ACSBG2: variants seen among roughly 807,000 people sequenced by gnomAD.
ACSBG2 encodes the protein long-chain-fatty-acid--CoA ligase ACSBG2.
In ACSBG2, 62 loss-of-function variants were observed where a neutral mutation model predicts 74.7. The ratio of observed to expected loss-of-function variants is 0.83; its 90% CI spans 0.68 to 1.03. ACSBG2 has a LOEUF of 1.03. ACSBG2 is among the 50% of genes least tolerant of loss of function. ACSBG2 has a pLI of 0.00. For missense variants in ACSBG2, 730 were observed against 817.6 expected (o/e 0.89, Z 1.31); for synonymous variants, 309 against 294.1 (o/e 1.05, Z -0.52).
chr19:6,139,996 G>T (rs2088757985), intron 1 of ACSBG2, among the ~76,000 whole-genome samples: 1 of 152,104 alleles, frequency 6.6e-6, no homozygotes, highest in South Asian at 2.1e-4. Context: ...GGCCGAGGCG[G>T]GCAGATCACG....
intron 7 of ACSBG2, among the ~76,000 whole-genome samples, chr19:6,166,280 T>TTTTGTGTGTGTGTGTG: frequency 8.4e-6 from 1 of 119,146 alleles, no homozygotes; most frequent in East Asian, 2.5e-4. Context: ...GTCAGGAAGG[T>TTTTGTGTGTGTGTGTG]TGTGTGTGTG....
intron 7 of ACSBG2, among the ~76,000 whole-genome samples, chr19:6,170,286 A>T (rs1348608400): frequency 6.6e-6 from 1 of 152,150 alleles, no homozygotes. Flanking sequence ...GGTTCTTATC[A>T]TAAAGAATGT....
rs2090389173 is a variant in ACSBG2, at chr19:6,185,773, C to T, written c.1540+120C>T. The T allele has an allele frequency of 1.1e-5, 11 of 995,926 alleles. No homozygotes were observed. The South Asian group carries it at 1.7e-4, about 15-fold the overall frequency. The allele number at this position is 995,926 out of a possible 1,614,324, so 61.7% of individuals were successfully genotyped here. On this transcript the variant is annotated intron_variant, in intron 11 of 14. Transcript: ENST00000588485. ...TCCTCACCTTCCAAGAGGAGCTGTG[C>T]AGAAACTCCTCAGTCTGTACAACCC...
chr19:6,165,550 T>C (rs1287695264), intron 6 of ACSBG2, among the ~76,000 whole-genome samples: 2 of 152,224 alleles, frequency 1.3e-5, no homozygotes, highest in African/African-American at 4.8e-5. Context: ...CCAACTACTA[T>C]TCTGAGCACT....
At chr19:6,189,969 A>C (rs544479296) in intron 13 of ACSBG2, 1 of 152,846 alleles carries the variant, frequency 6.5e-6, no homozygotes, top group South Asian at 2.1e-4. Flanking sequence ...TGGCCTCCCA[A>C]AGTGCTGGGA....
chr19:6,185,582 G>T lies in ACSBG2; in HGVS notation c.1469G>T (p.Gly490Val). The change falls in exon 11 of 15, where the codon GGC (glycine) becomes GTC (valine). Residue 490 changes from glycine to valine, a missense_variant. Coordinates refer to ENST00000588485, the MANE Select transcript of ACSBG2 (RefSeq NM_030924.5). ...ACTACAGAGGCCATCGATGATGAAG[G>T]CTGGCTACACTCTGGGGATCTGGGC... ...TETTEAIDDE[G>V]WLHSGDLGQL... 6.2e-7 allele frequency: 1 copy of T among 1,614,196 alleles called. No individual in the cohort carries two copies. Among genetic ancestry groups the T allele is most frequent in the South Asian group, 1.1e-5 (1 of 91,086 alleles).
chr19:6,188,762 G>A (rs2090473930), intron 13 of ACSBG2, among the ~76,000 whole-genome samples: 1 of 152,136 alleles, frequency 6.6e-6, no homozygotes, highest in African/African-American at 2.4e-5. Context: ...ATCTTTGGGG[G>A]TGAAGGGCTG....
rs79035238 is a variant in ACSBG2, at chr19:6,145,461, T to C, written c.68-1985T>C. On this transcript the variant is annotated intron_variant, in intron 2 of 14. Transcript: ENST00000588485. ...AAAAAAAAAAAGTAGCATCCCATCA[T>C]AGGTGGATGTGCAATTTCCTTCCAA... Among the ~76,000 whole-genome samples, 1,360 of 149,688 alleles carry C rather than the reference T, an allele frequency of 9.1e-3. 15 individuals carry two copies. Among genetic ancestry groups the C allele is most frequent in the African/African-American group, 0.032 (1,291 of 40,716 alleles).
chr19:6,175,072 C>A (rs74174370), intron 7 of ACSBG2, among the ~76,000 whole-genome samples: 1 of 152,166 alleles, frequency 6.6e-6, no homozygotes, highest in African/African-American at 2.4e-5. Context: ...CCAGGAGTGT[C>A]TAAACCATTG....
chr19:6,184,496 C>T (rs1209674899), intron 10 of ACSBG2, among the ~76,000 whole-genome samples: 1 of 151,840 alleles, frequency 6.6e-6, no homozygotes, highest in African/African-American at 2.4e-5. Context: ...GGAATACCTA[C>T]ATTTAACCCT....
chr19:6,138,805 G>T (rs2088703829), intron 1 of ACSBG2, among the ~76,000 whole-genome samples: 1 of 151,666 alleles, frequency 6.6e-6, no homozygotes, highest in Middle Eastern at 3.4e-3. Context: ...GGGAAGAAAG[G>T]GAAGAAGCAA....
chr19:6,186,465 A>G (rs1488144084), intron 11 of ACSBG2, among the ~76,000 whole-genome samples: 1 of 152,222 alleles, frequency 6.6e-6, no homozygotes, highest in Non-Finnish European at 1.5e-5. Context: ...GGATTTGGCC[A>G]CTATGGGCCA....
intron 3 of ACSBG2, 114 bp downstream of exon 3, chr19:6,147,789 G>A: frequency 6.8e-6 from 8 of 1,169,856 alleles, no homozygotes; most frequent in Non-Finnish European, 9.8e-6. Context: ...AAGGTTAATT[G>A]GCGAAAATTT....
At chr19:6,141,704 C>G in intron 2 of ACSBG2, 94 bp downstream of exon 2, 1 of 862,304 alleles carries the variant, frequency 1.2e-6, no homozygotes, top group African/African-American at 1.7e-5. Flanking sequence ...AAGATGTAGC[C>G]ATTCCTTGCC....
intron 2 of ACSBG2, among the ~76,000 whole-genome samples, 190 bp from the exon 3 acceptor site, chr19:6,147,256 G>A (rs1328926564): frequency 6.6e-6 from 1 of 152,122 alleles, no homozygotes; most frequent in African/African-American, 2.4e-5. Flanking sequence ...AATTTGGCGG[G>A]GCGGGGAATG....
At chr19:6,185,053 G>A (rs1033674000) in intron 10 of ACSBG2, among the ~76,000 whole-genome samples, 4 of 151,866 alleles carry the variant, frequency 2.6e-5, no homozygotes, top group African/African-American at 9.7e-5. Flanking sequence ...CTCCCAAGTA[G>A]CTGGGACCAC....
At chr19:6,140,504 C>A (rs1000480910) in intron 1 of ACSBG2, among the ~76,000 whole-genome samples, 1 of 152,018 alleles carries the variant, frequency 6.6e-6, no homozygotes, top group Admixed American at 6.6e-5. Context: ...ATGTGGTGAA[C>A]CCTTGTTTCT....
chr19:6,163,120 CAAATAA>C (rs2089678838), intron 6 of ACSBG2, among the ~76,000 whole-genome samples: 1 of 105,690 alleles, frequency 9.5e-6, no homozygotes, highest in South Asian at 3.1e-4. Flanking sequence ...ACTAAAAATA[CAAATAA>C]TAATAATAAT....
chr19:6,168,368 G>C (rs1181578875), intron 7 of ACSBG2, among the ~76,000 whole-genome samples: 1 of 152,164 alleles, frequency 6.6e-6, no homozygotes, highest in African/African-American at 2.4e-5. Flanking sequence ...TTCCATGTTT[G>C]AAATAGCAAA....
Sources: gnomAD v4.1 joint callset for allele counts (sites outside exome capture counted in the v4.1 genomes callset) on GRCh38, gnomAD v4.1.1 for gene constraint, MANE v1.5 for transcripts, NCBI Gene and HGNC (gene_info 2026-07-23, HGNC 2026-07-21) for gene names.